OXCT1: variants seen among roughly 807,000 people sequenced by gnomAD.
The protein encoded by OXCT1 is 3-oxoacid CoA-transferase 1.
In OXCT1, 27 loss-of-function variants were observed where a neutral mutation model predicts 69.6. The ratio of observed to expected loss-of-function variants is 0.39; its 90% CI spans 0.29 to 0.54. The LOEUF (loss-of-function observed/expected upper bound fraction) is 0.54. Among genes scored for constraint, OXCT1 ranks in the 20% least tolerant of loss-of-function variants. The pLI, the probability that OXCT1 is intolerant of heterozygous loss-of-function variation, is 0.72. For synonymous variants in OXCT1, 202 were observed against 217.8 expected (o/e 0.93, Z 0.64); for missense variants, 437 against 650.2 (o/e 0.67, Z 3.57).
intron 4 of OXCT1, 24 bp downstream of exon 4, chr5:41,853,395 T>C: frequency 6.2e-7 from 1 of 1,607,852 alleles, no homozygotes; most frequent in Non-Finnish European, 8.5e-7. Context: ...GTTAGTATTA[T>C]AAAAGAAAAG....
intron 7 of OXCT1, among the ~76,000 whole-genome samples, chr5:41,821,003 C>A (rs1747520989): frequency 6.6e-6 from 1 of 152,162 alleles, no homozygotes; most frequent in South Asian, 2.1e-4. Flanking sequence ...GTTAGTCCTA[C>A]CTCAACTAGA....
chr5:41,824,374 T>C (rs968449187), intron 7 of OXCT1, among the ~76,000 whole-genome samples: 3 of 152,316 alleles, frequency 2.0e-5, no homozygotes, highest in Non-Finnish European at 2.9e-5. Flanking sequence ...ATTTCAAGTA[T>C]AGCATCTACC....
chr5:41,853,736 C>T (rs925176892), intron 3 of OXCT1, 182 bp from the exon 4 acceptor site: 3 of 717,778 alleles, frequency 4.2e-6, no homozygotes, highest in East Asian at 2.8e-5. Flanking sequence ...TTTTATTTTA[C>T]AGTTGAGGAA....
chr5:41,844,141 C>A (rs555499517), intron 5 of OXCT1, among the ~76,000 whole-genome samples: 7 of 152,116 alleles, frequency 4.6e-5, no homozygotes, highest in African/African-American at 9.7e-5. Flanking sequence ...CCAGCTGTTG[C>A]TGAGTGTTAG....
At chr5:41,806,912 C>T (rs998430782) in intron 8 of OXCT1, among the ~76,000 whole-genome samples, 6 of 152,024 alleles carry the variant, frequency 3.9e-5, no homozygotes, top group African/African-American at 1.4e-4. Context: ...ATTAGAATGA[C>T]ATTCTACACT....
intron 5 of OXCT1, among the ~76,000 whole-genome samples, chr5:41,847,089 A>G (rs1748947177): frequency 6.6e-6 from 1 of 152,002 alleles, no homozygotes; most frequent in South Asian, 2.1e-4. Context: ...AAAAAATGAT[A>G]AAGGGGATAT....
Position 41,744,646 on chromosome 5 carries a change from C to G in OXCT1, c.1419+4881G>C, listed in dbSNP as rs558353198. Among the ~76,000 whole-genome samples, 1,044 of 152,178 alleles carry G rather than the reference C, an allele frequency of 6.9e-3. 3 individuals are homozygous for G. The highest frequency in any genetic ancestry group is 9.8e-3 in the Non-Finnish European group (666 of 68,000). The stretch of plus-strand genomic sequence containing the variant: ...TATTTTGAGATACGTCCCATCAATA[C>G]CTAATTTATTGAGAGTTTTTAGCAT... On this transcript the variant is annotated intron_variant, in intron 15 of 16. Transcript: ENST00000196371.
chr5:41,788,196 G>T (rs1439564498), intron 13 of OXCT1, among the ~76,000 whole-genome samples: 2 of 151,998 alleles, frequency 1.3e-5, no homozygotes, highest in Non-Finnish European at 2.9e-5. Flanking sequence ...AGTAGATTGT[G>T]ATTAAAATAT....
intron 1 of OXCT1, among the ~76,000 whole-genome samples, chr5:41,866,017 A>G (rs1749950742): frequency 8.7e-6 from 1 of 114,738 alleles, no homozygotes; most frequent in African/African-American, 3.9e-5. Context: ...TTATATGTAC[A>G]GTAGACCCCC....
chr5:41,801,002 C>A lies in OXCT1; in HGVS notation c.1099+20G>T, dbSNP rs557019026. ...ACAAAATTAATAGCAAAGGGAAGGG[C>A]TAGAAATAAGTGAGCTTACCTGCAT... On this transcript the variant is annotated intron_variant, in intron 11 of 16. Transcript: ENST00000196371. 3.1e-6 allele frequency: 5 copies of A among 1,604,892 alleles called. No homozygotes were observed. In the African/African-American group the frequency reaches 5.3e-5, roughly 17 times the overall value.
At chr5:41,811,850 A>G (rs1746999865) in intron 7 of OXCT1, among the ~76,000 whole-genome samples, 1 of 152,088 alleles carries the variant, frequency 6.6e-6, no homozygotes, top group Non-Finnish European at 1.5e-5. Context: ...CCAAGAAAAT[A>G]TGCATAACAC....
intron 13 of OXCT1, among the ~76,000 whole-genome samples, chr5:41,790,333 C>T (rs899737145): frequency 6.6e-6 from 1 of 152,212 alleles, no homozygotes; most frequent in Non-Finnish European, 1.5e-5. Flanking sequence ...CAGCGGACTG[C>T]ACATCTTTCC....
chr5:41,818,871 C>T (rs1375195592), intron 7 of OXCT1, among the ~76,000 whole-genome samples: 2 of 151,512 alleles, frequency 1.3e-5, no homozygotes, highest in Admixed American at 6.6e-5. Flanking sequence ...CTTTAAGATG[C>T]CTTCTTTTAG....
At chr5:41,787,057 T>C (rs756882811) in intron 13 of OXCT1, among the ~76,000 whole-genome samples, 4 of 152,178 alleles carry the variant, frequency 2.6e-5, no homozygotes, top group Non-Finnish European at 5.9e-5. Context: ...GAAAATAATA[T>C]AGCTTTTAAA....
chr5:41,868,605 C>A (rs1396474584), intron 1 of OXCT1, among the ~76,000 whole-genome samples: 2 of 151,440 alleles, frequency 1.3e-5, no homozygotes, highest in Non-Finnish European at 3.0e-5. Context: ...CGCCTGTAGT[C>A]CCAGCTACTT....
intron 13 of OXCT1, among the ~76,000 whole-genome samples, chr5:41,782,463 C>A (rs1269382418): frequency 6.6e-6 from 1 of 152,182 alleles, no homozygotes; most frequent in Non-Finnish European, 1.5e-5. Flanking sequence ...ATCCGCCTGC[C>A]TTAGCCCCCC....
intron 16 of OXCT1, among the ~76,000 whole-genome samples, chr5:41,733,072 A>G (rs1742714985): frequency 6.6e-6 from 1 of 152,224 alleles, no homozygotes; most frequent in Admixed American, 6.5e-5. Flanking sequence ...TTCTAAGAGT[A>G]GACATACAGA....
At chr5:41,793,179 C>T (rs1464749992) in intron 13 of OXCT1, among the ~76,000 whole-genome samples, 1 of 152,188 alleles carries the variant, frequency 6.6e-6, no homozygotes, top group East Asian at 1.9e-4. Context: ...TTCAAGAAAA[C>T]TGTCCTATCA....
intron 11 of OXCT1, among the ~76,000 whole-genome samples, chr5:41,795,014 G>A (rs1746111138): frequency 6.6e-6 from 1 of 152,190 alleles, no homozygotes; most frequent in Admixed American, 6.5e-5. Flanking sequence ...CTCTACAGCA[G>A]CAGTCCCCTT....
Sources: allele counts gnomAD v4.1 joint callset (sites outside exome capture counted in the v4.1 genomes callset), GRCh38; gene constraint gnomAD v4.1.1; transcripts MANE v1.5; gene names NCBI Gene and HGNC (gene_info 2026-07-23, HGNC 2026-07-21).